POM121C: variants seen among roughly 807,000 people sequenced by gnomAD.
POM121C encodes the protein nuclear envelope pore membrane protein POM 121C.
A neutral mutation model predicts 66.4 loss-of-function variants in POM121C; 20 were observed. That is an observed-to-expected ratio of 0.30 (90% CI 0.21 to 0.44). The LOEUF (loss-of-function observed/expected upper bound fraction) is 0.44, where lower values mean the gene tolerates loss of function less well. POM121C is among the 20% of genes least tolerant of loss of function. The probability of loss-of-function intolerance (pLI) is 1.00; values close to 1 mark genes in which losing one functional copy is unlikely to be tolerated. For missense variants in POM121C, 580 were observed against 1,225.7 expected, an observed-to-expected ratio of 0.47 and a Z score of 7.87; for synonymous variants, 286 against 528.0, an observed-to-expected ratio of 0.54 and a Z score of 6.28.
chr7:75,457,154 T>A (rs1227429484), intron 3 of POM121C, among the ~76,000 whole-genome samples: 2 of 710 alleles, frequency 2.8e-3, no homozygotes, highest in Admixed American at 0.029. Context: ...CAATTAAAAA[T>A]AAATAAATAA....
intron 3 of POM121C, among the ~76,000 whole-genome samples, chr7:75,468,675 T>C (rs1334078287): frequency 1.3e-5 from 2 of 152,110 alleles, no homozygotes; most frequent in Non-Finnish European, 2.9e-5. Flanking sequence ...AACCAACATA[T>C]GCAACTGCCT....
chr7:75,437,806 T>C lies in POM121C; in HGVS notation c.309-120A>G, dbSNP rs1215198365. 5 of 1,381,198 alleles carry C rather than the reference T, an allele frequency of 3.6e-6. No homozygotes were observed. In the African/African-American group the frequency reaches 5.8e-5, roughly 16 times the overall value. The allele number at this position is 1,381,198 out of a possible 1,614,324, so 85.6% of individuals were successfully genotyped here. A position where few individuals can be genotyped will look rare whatever the true frequency, so the allele number is the denominator to read the frequency against. ...GGAAGAGAATAATGCTTTTAATTTT[T>C]ACTGCTAACAATCTGGCCAAATCTA... On this transcript the variant is annotated intron_variant, in intron 6 of 14. Coordinates refer to ENST00000615331, the MANE Select transcript of POM121C (RefSeq NM_001099415.3).
At chr7:75,421,485 G>A in intron 13 of POM121C, 24 bp downstream of exon 13, 2 of 1,610,856 alleles carry the variant, frequency 1.2e-6, no homozygotes, top group Non-Finnish European at 1.7e-6. Flanking sequence ...CGGCCCGGTA[G>A]CCCAAGTCCA....
At chr7:75,421,015 T>C (rs117224201) in intron 13 of POM121C, 2,938 of 180,288 alleles carry the variant, frequency 0.016, 55 homozygotes, top group Non-Finnish European at 0.02. Flanking sequence ...CTCTGTCACC[T>C]AGGCCAGAGT....
intron 1 of POM121C, among the ~76,000 whole-genome samples, chr7:75,479,282 A>T (rs1173453587): frequency 6.6e-6 from 1 of 152,206 alleles, no homozygotes; most frequent in Non-Finnish European, 1.5e-5. Context: ...AGTACCAGAA[A>T]TGGTAACTGT....
In POM121C at chr7:75,416,883, C is replaced by A. The variant is rs1288627958; in HGVS notation, c.*1913G>T. The A allele has an allele frequency of 7.0e-6, 10 of 1,438,050 alleles. 1 individual carries two copies. Among genetic ancestry groups the A allele is most frequent in the Non-Finnish European group, 8.2e-6 (9 of 1,100,538 alleles). The allele number at this position is 1,438,050 out of a possible 1,614,324, so 89.1% of individuals were successfully genotyped here. A position where few individuals can be genotyped will look rare whatever the true frequency, so the allele number is the denominator to read the frequency against. On this transcript the variant is annotated 3_prime_UTR_variant, in exon 15 of 15. Coordinates refer to ENST00000615331, the MANE Select transcript of POM121C (RefSeq NM_001099415.3). ...CAACTAGACTCAACAGGAATGAAGT[C>A]TCTATTTGTAATGGAAAGTCCCAGC...
intron 3 of POM121C, among the ~76,000 whole-genome samples, chr7:75,466,100 G>T (rs1175218963): frequency 6.6e-6 from 1 of 150,438 alleles, no homozygotes. Context: ...GTCTGACCTG[G>T]GCAACAAAGG....
chr7:75,441,762 C>T, intron 3 of POM121C, 115 bp from the exon 4 acceptor site: 7 of 1,030,650 alleles, frequency 6.8e-6, no homozygotes, highest in Non-Finnish European at 9.9e-6. Context: ...TCTCTTTCTA[C>T]GCAACACAGA....
intron 6 of POM121C, 132 bp downstream of exon 6, chr7:75,439,012 C>G (rs1790525636): frequency 3.0e-6 from 3 of 986,470 alleles, no homozygotes; most frequent in Non-Finnish European, 4.6e-6. Flanking sequence ...TCAGAATATT[C>G]CTAATTTCAA....
chr7:75,441,332 C>T (rs782775678), intron 4 of POM121C, 100 bp downstream of exon 4: 7 of 1,427,266 alleles, frequency 4.9e-6, no homozygotes, highest in African/African-American at 1.5e-5. Context: ...GCAGATTCGT[C>T]CTTTCTTTTT....
chr7:75,428,593 ATAAAAT>A (rs1790051748), intron 7 of POM121C, among the ~76,000 whole-genome samples: 1 of 152,152 alleles, frequency 6.6e-6, no homozygotes. Context: ...AGTTAAAGTA[ATAAAAT>A]TAAAACAAAA....
chr7:75,433,202 T>A (rs1554472580), intron 7 of POM121C, among the ~76,000 whole-genome samples: 1 of 114,778 alleles, frequency 8.7e-6, no homozygotes, highest in African/African-American at 3.5e-5. Flanking sequence ...ACCGCTGCAC[T>A]CTAGCCCCAG....
intron 3 of POM121C, among the ~76,000 whole-genome samples, chr7:75,457,119 C>G (rs587620766): frequency 6.7e-6 from 1 of 149,992 alleles, no homozygotes; most frequent in East Asian, 1.9e-4. Flanking sequence ...TGCACTCCAG[C>G]CTGGGCAACA....
intron 5 of POM121C, among the ~76,000 whole-genome samples, chr7:75,439,950 G>A (rs587634750): frequency 4.8e-5 from 7 of 147,208 alleles, no homozygotes; most frequent in African/African-American, 1.0e-4. Context: ...GCATGGTCTC[G>A]GCTCGCTGCA....
rs587718204 is a variant in POM121C at position 75,479,445 on chromosome 7, G to A, written c.-457-4257C>T. 5.6e-3 allele frequency among the ~76,000 whole-genome samples: 832 copies of A among 148,144 alleles called. 5 individuals carry two copies. The highest frequency in any genetic ancestry group is 0.015 in the African/African-American group (600 of 39,984). On this transcript the variant is annotated intron_variant, in intron 1 of 14. Transcript: ENST00000615331. ...AGCCTGGCCAACATGGCGAAACCTC[G>A]TCTCTACTAAAAATACAAAAATTAG... is the stretch of plus-strand genomic sequence containing the variant.
chr7:75,471,298 T>A (rs1375111554), intron 3 of POM121C, among the ~76,000 whole-genome samples: 6 of 152,092 alleles, frequency 3.9e-5, no homozygotes, highest in African/African-American at 1.4e-4. Context: ...AGCCTCTGCC[T>A]CCTGGGTTCA....
intron 3 of POM121C, among the ~76,000 whole-genome samples, chr7:75,449,208 T>G (rs1790936980): frequency 6.6e-6 from 1 of 150,522 alleles, no homozygotes; most frequent in Admixed American, 6.6e-5. Context: ...GTCTGAGGGC[T>G]ACTGAGGGAA....
At chr7:75,471,741 G>A (rs1233721507) in intron 3 of POM121C, among the ~76,000 whole-genome samples, 3 of 152,098 alleles carry the variant, frequency 2.0e-5, no homozygotes, top group East Asian at 1.9e-4. Context: ...GCTTGCTGAC[G>A]AGCCACACTC....
chr7:75,422,036 G>A lies in POM121C; in HGVS notation c.2216C>T (p.Ala739Val), dbSNP rs1438601686. Residue 739 changes from alanine to valine, a missense_variant, in exon 13 of 15, where the codon GCC (alanine) becomes GTC (valine). Transcript: ENST00000615331. ...TGCAGGTGTGGGTGCAGTAGCCGGG[G>A]CCGGGGCTGCAGAGTTTCCAAAAGT... ...SFTFGNSAAP[A>V]PATAPTPAPA... The A allele has an allele frequency of 6.2e-7, 1 of 1,611,946 alleles. No homozygotes were observed. The highest frequency in any genetic ancestry group is 8.5e-7 in the Non-Finnish European group (1 of 1,179,334).
Sources: gnomAD v4.1 joint callset for allele counts (sites outside exome capture counted in the v4.1 genomes callset) on GRCh38, gnomAD v4.1.1 for gene constraint, MANE v1.5 for transcripts, NCBI Gene and HGNC (gene_info 2026-07-23, HGNC 2026-07-21) for gene names.